Variants in ARHGEF4 observed in about 807,000 individuals in gnomAD.
ARHGEF4 encodes the protein Rho guanine nucleotide exchange factor 4.
In ARHGEF4, 119 loss-of-function variants were observed where a neutral mutation model predicts 162.0. The observed-to-expected ratio is 0.73, with a 90% CI of 0.63 to 0.86. The LOEUF (loss-of-function observed/expected upper bound fraction) is 0.86. ARHGEF4 is among the 40% of genes least tolerant of loss of function. The pLI is 0.00. For synonymous variants in ARHGEF4, 1,014 were observed against 979.9 expected, an observed-to-expected ratio of 1.03 and a Z score of -0.65; for missense variants, 2,488 against 2,456.0, an observed-to-expected ratio of 1.01 and a Z score of -0.28.
rs554291734 is a variant in ARHGEF4, at chr2:131,035,831, C to T, written c.4126-3022C>T. The T allele has an allele frequency of 6.1e-4, 598 of 985,390 alleles. 1 individual carries two copies. The highest frequency in any genetic ancestry group is 6.8e-4 in the Non-Finnish European group (565 of 829,928). 61.0% of individuals were successfully genotyped at this position (985,390 alleles called of 1,614,324 possible). On this transcript the variant is annotated intron_variant, in intron 5 of 13. Transcript: ENST00000409359. ...TGTTCACAGCTGCCCCCACCCTGCA[C>T]GTCTGGTAGGTGGGCAGGGTGGGGA...
At position 131,045,466 on chromosome 2, in the gene ARHGEF4, A is replaced by T; in HGVS notation, c.5479+20A>T. ...CCAAAGGTAGGCGGACAGCAGCCCC[A>T]CCTCCTCGGCTGCCCGGTCCTTACC... On this transcript the variant is annotated intron_variant, in intron 13 of 13. Transcript: ENST00000409359. 1 of 1,613,302 alleles carries T rather than the reference A, an allele frequency of 6.2e-7. No individual in the cohort carries two copies. Among genetic ancestry groups the T allele is most frequent in the Non-Finnish European group, 8.5e-7 (1 of 1,179,914 alleles).
chr2:130,918,011 G>A (rs1289738585), intron 2 of ARHGEF4, among the ~76,000 whole-genome samples: 2 of 151,618 alleles, frequency 1.3e-5, no homozygotes, highest in Non-Finnish European at 2.9e-5. Flanking sequence ...TAGTAGAGAC[G>A]GGGTTTCACC....
chr2:130,961,586 A>G (rs1386891252), intron 4 of ARHGEF4, among the ~76,000 whole-genome samples: 3 of 152,180 alleles, frequency 2.0e-5, no homozygotes, highest in Non-Finnish European at 2.9e-5. Flanking sequence ...GCCTCTGAAG[A>G]TAATGATGCA....
At chr2:130,943,870 A>G (rs1683451207) in intron 3 of ARHGEF4, among the ~76,000 whole-genome samples, 1 of 152,174 alleles carries the variant, frequency 6.6e-6, no homozygotes, top group South Asian at 2.1e-4. Context: ...TTACCCAGCT[A>G]TTTATTATTT....
At chr2:130,984,517 C>T (rs911534992) in intron 4 of ARHGEF4, among the ~76,000 whole-genome samples, 6 of 149,810 alleles carry the variant, frequency 4.0e-5, no homozygotes, top group African/African-American at 1.5e-4. Flanking sequence ...ATGGTGAAAC[C>T]CTGTCTCTAC....
At chr2:130,893,039 G>A (rs184741548) in intron 1 of ARHGEF4, among the ~76,000 whole-genome samples, 4,084 of 152,318 alleles carry the variant, frequency 0.027, 158 homozygotes, top group African/African-American at 0.092. Flanking sequence ...CGCTGAGTGT[G>A]GCGTGCAAAG....
chr2:130,986,833 T>G (rs1419928717), intron 4 of ARHGEF4, among the ~76,000 whole-genome samples: 1 of 152,228 alleles, frequency 6.6e-6, no homozygotes, highest in Non-Finnish European at 1.5e-5. Context: ...GCCTTCTTTC[T>G]CCTGCTTTTG....
Position 130,836,942 on chromosome 2 carries a change from C to A in ARHGEF4, c.-12C>A. The A allele has an allele frequency of 8.2e-7, 1 of 1,225,374 alleles. No individual in the cohort carries two copies. The highest frequency in any genetic ancestry group is 1.0e-6 in the Non-Finnish European group (1 of 983,830). 75.9% of individuals were successfully genotyped at this position (1,225,374 alleles called of 1,614,324 possible). A position where few individuals can be genotyped will look rare whatever the true frequency, so the allele number is the denominator to read the frequency against. The stretch of plus-strand genomic sequence containing the variant: ...GTGCTGCGGCCGGGCTCCGGGCGTC[C>A]CGGCGGCCACCATGCTCAGCGTCGT... On this transcript the variant is annotated 5_prime_UTR_variant, in exon 1 of 14. Coordinates refer to ENST00000409359, the MANE Select transcript of ARHGEF4 (RefSeq NM_001367493.1).
intron 4 of ARHGEF4, among the ~76,000 whole-genome samples, chr2:130,953,258 C>G (rs1246713636): frequency 6.6e-6 from 1 of 152,162 alleles, no homozygotes; most frequent in Admixed American, 6.5e-5. Flanking sequence ...CACCACACAT[C>G]TACAACCATC....
At chr2:130,846,119 G>T (rs1371446786) in intron 1 of ARHGEF4, among the ~76,000 whole-genome samples, 2 of 152,208 alleles carry the variant, frequency 1.3e-5, no homozygotes, top group East Asian at 3.9e-4. Flanking sequence ...AAGGTCTGTT[G>T]CCCAGGTCCT....
At chr2:131,009,150 G>A (rs1029175984) in intron 4 of ARHGEF4, among the ~76,000 whole-genome samples, 1 of 152,202 alleles carries the variant, frequency 6.6e-6, no homozygotes, top group Admixed American at 6.5e-5. Context: ...TTGTGGTGGT[G>A]TCCTGTGGGT....
chr2:130,931,277 G>C lies in ARHGEF4; in HGVS notation c.3858+20G>C, dbSNP rs1340971865. 5.1e-6 allele frequency: 8 copies of C among 1,577,288 alleles called. No homozygotes were observed. The African/African-American group carries it at 8.1e-5, about 16-fold the overall frequency. On this transcript the variant is annotated intron_variant, in intron 3 of 13. Transcript: ENST00000409359. Reference sequence around the variant, plus strand: ...GTCAAGGTAAGCCACTCCCGGCCAGGAGTCCTCAGACTTGGTCTGGTATCC... The same window carrying C: ...GTCAAGGTAAGCCACTCCCGGCCAGCAGTCCTCAGACTTGGTCTGGTATCC...
chr2:131,001,300 C>G (rs1428917852), intron 4 of ARHGEF4, among the ~76,000 whole-genome samples: 1 of 47,376 alleles, frequency 2.1e-5, no homozygotes, highest in African/African-American at 1.2e-4. Context: ...GAGACTGTGT[C>G]TCAAAAAAAA....
At chr2:130,977,411 A>T (rs559949591) in intron 4 of ARHGEF4, among the ~76,000 whole-genome samples, 2 of 149,802 alleles carry the variant, frequency 1.3e-5, no homozygotes, top group South Asian at 4.3e-4. Flanking sequence ...TTTTTTGTGT[A>T]TGGGGTGTGT....
chr2:131,005,424 C>T (rs773179411), intron 4 of ARHGEF4, among the ~76,000 whole-genome samples: 12 of 152,206 alleles, frequency 7.9e-5, no homozygotes, highest in East Asian at 1.9e-4. Context: ...CACTCCCTGC[C>T]GTCCTCAGGC....
intron 3 of ARHGEF4, among the ~76,000 whole-genome samples, chr2:130,937,158 C>CA (rs1047914548): frequency 3.3e-5 from 5 of 151,286 alleles, no homozygotes; most frequent in Admixed American, 6.6e-5. Flanking sequence ...TGATCTTCCC[C>CA]CCTCGGCCTC....
intron 4 of ARHGEF4, among the ~76,000 whole-genome samples, chr2:131,001,695 T>C (rs999293560): frequency 3.3e-5 from 5 of 152,120 alleles, no homozygotes; most frequent in Non-Finnish European, 7.3e-5. Context: ...AGCTGTGTGC[T>C]GAGGCTTCGA....
At chr2:130,856,352 A>T (rs1422735397) in intron 1 of ARHGEF4, among the ~76,000 whole-genome samples, 1 of 152,348 alleles carries the variant, frequency 6.6e-6, no homozygotes, top group East Asian at 1.9e-4. Flanking sequence ...AGACTCGGAA[A>T]TGTTGGACAC....
At chr2:130,961,336 T>C (rs957531903) in intron 4 of ARHGEF4, among the ~76,000 whole-genome samples, 5 of 152,086 alleles carry the variant, frequency 3.3e-5, no homozygotes, top group Non-Finnish European at 5.9e-5. Flanking sequence ...GAAGCCTCAC[T>C]GAGGGGGGAC....
Sources: gnomAD v4.1 joint callset for allele counts (sites outside exome capture counted in the v4.1 genomes callset) on GRCh38, gnomAD v4.1.1 for gene constraint, MANE v1.5 for transcripts, NCBI Gene and HGNC (gene_info 2026-07-23, HGNC 2026-07-21) for gene names.